The following MTA3 variants were observed in gnomAD, a reference collection of about 807,000 sequenced individuals.
MTA3 encodes the protein metastasis-associated protein MTA3.
In MTA3, 34 loss-of-function variants were observed where a neutral mutation model predicts 83.5. The observed-to-expected ratio is 0.41, with a 90% CI of 0.31 to 0.54. The LOEUF (loss-of-function observed/expected upper bound fraction) is 0.54, where lower values mean the gene tolerates loss of function less well. Among genes scored for constraint, MTA3 ranks in the 20% least tolerant of loss-of-function variants. The probability of loss-of-function intolerance (pLI) is 0.33; values close to 1 mark genes in which losing one functional copy is unlikely to be tolerated. For missense variants in MTA3, 761 were observed against 726.4 expected, an observed-to-expected ratio of 1.05 and a Z score of -0.55; for synonymous variants, 303 against 252.7, an observed-to-expected ratio of 1.20 and a Z score of -1.89.
Position 42,611,897 on chromosome 2 carries a change from G to A in MTA3, c.317+2313G>A, listed in dbSNP as rs535201682. Among the ~76,000 whole-genome samples the A allele has an allele frequency of 3.3e-5, 5 of 152,274 alleles. No homozygotes were observed. In the East Asian group the frequency reaches 9.7e-4, roughly 29 times the overall value. ...GCTGTGTTGCCCAGATTGGTCATGA[G>A]CTCCAGCAATCTTCTTGCCTCAGTC... On this transcript the variant is annotated intron_variant, in intron 4 of 16. Coordinates refer to ENST00000405094, the MANE Select transcript of MTA3 (RefSeq NM_001330442.2).
intron 14 of MTA3, 95 bp from the exon 15 acceptor site, chr2:42,718,893 C>G (rs1667218144): frequency 2.2e-6 from 2 of 897,138 alleles, no homozygotes; most frequent in Non-Finnish European, 3.4e-6. Flanking sequence ...CTATTTTGTA[C>G]TGTTTTCCAC....
intron 16 of MTA3, among the ~76,000 whole-genome samples, chr2:42,732,019 C>G (rs1668263983): frequency 6.6e-6 from 1 of 152,200 alleles, no homozygotes. Flanking sequence ...CTCCGGGTCT[C>G]ATATCCAGGT....
chr2:42,619,123 G>A (rs79931617), intron 4 of MTA3, among the ~76,000 whole-genome samples: 1,711 of 152,324 alleles, frequency 0.011, 28 homozygotes, highest in African/African-American at 0.039. Context: ...ATGAACAACG[G>A]AACAGCAAGA....
chr2:42,723,520 G>A (rs191839351), intron 16 of MTA3, among the ~76,000 whole-genome samples: 24 of 152,280 alleles, frequency 1.6e-4, no homozygotes, highest in Admixed American at 2.6e-4. Flanking sequence ...AATTGCCTGG[G>A]TGATGTCCTA....
rs1670117085 is a variant in MTA3 at position 42,754,677 on chromosome 2, C to G, written c.*1278C>G. On this transcript the variant is annotated 3_prime_UTR_variant, in exon 17 of 17. Transcript: ENST00000405094. ...AGAAAGACAACTGGAGTCTGATCTC[C>G]CAGCCATCTCTGGGGTTACTAGGAG... 1.0e-6 allele frequency: 1 copy of G among 985,474 alleles called. No homozygotes were observed. The highest frequency in any genetic ancestry group is 1.2e-6 in the Non-Finnish European group (1 of 829,978). 61.0% of individuals were successfully genotyped at this position (985,474 alleles called of 1,614,324 possible).
chr2:42,595,889 A>T (rs1029298266), intron 3 of MTA3, among the ~76,000 whole-genome samples: 1 of 152,200 alleles, frequency 6.6e-6, no homozygotes, highest in Non-Finnish European at 1.5e-5. Context: ...ATTTTATTCT[A>T]CATGTAAGTT....
intron 16 of MTA3, among the ~76,000 whole-genome samples, chr2:42,745,689 A>T (rs1669354745): frequency 6.6e-6 from 1 of 151,862 alleles, no homozygotes. Context: ...CCCAGCTGAG[A>T]CTTTCTCAAC....
At chr2:42,589,998 A>C (rs922252863) in intron 3 of MTA3, among the ~76,000 whole-genome samples, 1 of 152,106 alleles carries the variant, frequency 6.6e-6, no homozygotes, top group Non-Finnish European at 1.5e-5. Context: ...AGATGAGGAG[A>C]GATCAGTCTG....
chr2:42,599,978 C>T (rs1298611681), intron 3 of MTA3, among the ~76,000 whole-genome samples: 3 of 151,702 alleles, frequency 2.0e-5, no homozygotes, highest in African/African-American at 4.8e-5. Context: ...GGGCGGATCA[C>T]GAGGTCAGGA....
At chr2:42,673,694 A>G (rs1001574972) in intron 8 of MTA3, among the ~76,000 whole-genome samples, 3 of 152,176 alleles carry the variant, frequency 2.0e-5, no homozygotes, top group African/African-American at 7.2e-5. Context: ...AGGTGGATAC[A>G]ATCGAATGAA....
chr2:42,698,043 T>C (rs1693544181), intron 11 of MTA3, among the ~76,000 whole-genome samples: 1 of 152,176 alleles, frequency 6.6e-6, no homozygotes, highest in Admixed American at 6.5e-5. Context: ...GAGGAAGAAA[T>C]GTACTATGTA....
At chr2:42,590,297 C>G (rs1680812540) in intron 3 of MTA3, among the ~76,000 whole-genome samples, 1 of 152,034 alleles carries the variant, frequency 6.6e-6, no homozygotes, top group African/African-American at 2.4e-5. Context: ...TAAATTAATG[C>G]CCTCCCTGGA....
At chr2:42,627,725 ATTTTTTT>A (rs869227831) in intron 4 of MTA3, among the ~76,000 whole-genome samples, 12 of 103,384 alleles carry the variant, frequency 1.2e-4, no homozygotes, top group South Asian at 3.5e-4. Context: ...GCCTGGCTAA[ATTTTTTT>A]TTTTTTTTTT....
chr2:42,661,093 A>G (rs1035370181), intron 8 of MTA3, among the ~76,000 whole-genome samples: 2 of 152,210 alleles, frequency 1.3e-5, no homozygotes. Flanking sequence ...CATAGAAGAA[A>G]GTTTTGTTTT....
chr2:42,713,750 T>C (rs1395483281), intron 14 of MTA3, among the ~76,000 whole-genome samples: 2 of 152,248 alleles, frequency 1.3e-5, no homozygotes, highest in African/African-American at 4.8e-5. Context: ...GCCACTGTAT[T>C]GAAAACTGCC....
chr2:42,732,529 G>C (rs570948446), intron 16 of MTA3, among the ~76,000 whole-genome samples: 3 of 152,190 alleles, frequency 2.0e-5, no homozygotes, highest in Non-Finnish European at 2.9e-5. Context: ...TTATGGAAGG[G>C]ACTGCTGTGA....
chr2:42,710,035 A>T (rs1666467102), intron 14 of MTA3, among the ~76,000 whole-genome samples: 1 of 152,160 alleles, frequency 6.6e-6, no homozygotes, highest in Non-Finnish European at 1.5e-5. Context: ...TTTGTTCCTT[A>T]AGGGGTGACA....
chr2:42,743,288 C>A (rs900123557), intron 16 of MTA3, among the ~76,000 whole-genome samples: 4 of 152,210 alleles, frequency 2.6e-5, no homozygotes, highest in African/African-American at 7.2e-5. Flanking sequence ...CGATTGCCTG[C>A]TATCTCAGTC....
intron 3 of MTA3, among the ~76,000 whole-genome samples, chr2:42,598,700 C>A (rs769208995): frequency 4.2e-4 from 64 of 152,142 alleles, no homozygotes; most frequent in Non-Finnish European, 3.4e-4. Flanking sequence ...CGTTGTTGAG[C>A]CTTAATTCAT....
Sources: allele counts gnomAD v4.1 joint callset (sites outside exome capture counted in the v4.1 genomes callset), GRCh38; gene constraint gnomAD v4.1.1; transcripts MANE v1.5; gene names NCBI Gene and HGNC (gene_info 2026-07-23, HGNC 2026-07-21).